Variants in ANKRD30B observed in about 807,000 individuals in gnomAD.
The protein encoded by ANKRD30B is ankyrin repeat domain-containing protein 30B.
In ANKRD30B, 144 loss-of-function variants were observed where a neutral mutation model predicts 202.2. That is an observed-to-expected ratio of 0.71 (90% confidence interval 0.62 to 0.82). The LOEUF is 0.82. Ranked by LOEUF, ANKRD30B falls within the 40% of genes least tolerant of loss-of-function variation. The probability of loss-of-function intolerance (pLI) is 0.00; values close to 1 mark genes in which losing one functional copy is unlikely to be tolerated. For synonymous variants in ANKRD30B, 508 were observed against 561.3 expected (o/e 0.91, Z 1.34); for missense variants, 1,487 against 1,669.1 (o/e 0.89, Z 1.90).
chr18:14,749,330 T>C (rs1913024530), intron 1 of ANKRD30B, among the ~76,000 whole-genome samples: 3 of 152,182 alleles, frequency 2.0e-5, no homozygotes, highest in Admixed American at 2.0e-4. Flanking sequence ...TATTTTGTAA[T>C]GGAGTAGAAA....
intron 30 of ANKRD30B, among the ~76,000 whole-genome samples, chr18:14,820,959 A>C (rs1478709804): frequency 6.6e-6 from 1 of 152,074 alleles, no homozygotes; most frequent in Non-Finnish European, 1.5e-5. Context: ...TCCTTGTACC[A>C]CTGGTAGAAT....
chr18:14,809,900 T>A lies in ANKRD30B; in HGVS notation c.2387-86T>A, dbSNP rs1245818271. The stretch of plus-strand genomic sequence containing the variant: ...CCCTTTTCAATCCAAGCATGAGGAT[T>A]CATCTTCATATTCACACTCTATGAA... On this transcript the variant is annotated intron_variant, in intron 26 of 43. Coordinates refer to ENST00000690538, the MANE Select transcript of ANKRD30B (RefSeq NM_001367607.2). The A allele has an allele frequency of 4.9e-6, 6 of 1,213,970 alleles. No homozygotes were observed. In the Middle Eastern group the frequency reaches 7.4e-4, roughly 149 times the overall value. The allele number at this position is 1,213,970 out of a possible 1,614,324, so 75.2% of individuals were successfully genotyped here.
At chr18:14,809,885 T>G in intron 26 of ANKRD30B, 101 bp from the exon 27 acceptor site, 2 of 1,152,780 alleles carry the variant, frequency 1.7e-6, no homozygotes, top group Admixed American at 3.5e-5. Context: ...CCCTTTTCAA[T>G]CCAAGCATGA....
the ANKRD30B span, among the ~76,000 whole-genome samples, chr18:14,929,976 G>A: frequency 1.3e-5 from 2 of 152,294 alleles, no homozygotes; most frequent in South Asian, 2.1e-4. Context: ...CAGAAGGAAC[G>A]GCAAGTCCAG....
intron 16 of ANKRD30B, among the ~76,000 whole-genome samples, chr18:14,795,948 T>C (rs1426936988): frequency 6.6e-6 from 1 of 152,102 alleles, no homozygotes; most frequent in Non-Finnish European, 1.5e-5. Context: ...GGTATTAGGA[T>C]TTTTCTAATT....
At chr18:14,912,704 C>G in the ANKRD30B span, among the ~76,000 whole-genome samples, 2 of 152,286 alleles carry the variant, frequency 1.3e-5, no homozygotes, top group South Asian at 2.1e-4. Context: ...ATTAGTTCTT[C>G]GTGTGTTTGG....
intron 9 of ANKRD30B, among the ~76,000 whole-genome samples, chr18:14,777,321 CAG>C (rs1331575640): frequency 5.3e-5 from 8 of 151,592 alleles, no homozygotes; most frequent in African/African-American, 1.9e-4. Context: ...TTTTTTGAGA[CAG>C]AGTCTTGCTC....
At chr18:14,928,775 T>C in the ANKRD30B span, among the ~76,000 whole-genome samples, 2 of 152,210 alleles carry the variant, frequency 1.3e-5, no homozygotes, top group East Asian at 1.9e-4. Flanking sequence ...ATGTTAATCA[T>C]GTTCTGTCAA....
intron 42 of ANKRD30B, among the ~76,000 whole-genome samples, 157 bp from the exon 43 acceptor site, chr18:14,853,652 A>G (rs1971979618): frequency 6.6e-6 from 1 of 152,120 alleles, no homozygotes; most frequent in Admixed American, 6.5e-5. Flanking sequence ...TGGCAGAAAG[A>G]TTACACCTTC....
the ANKRD30B span, among the ~76,000 whole-genome samples, chr18:14,899,037 A>G: frequency 6.6e-6 from 1 of 152,150 alleles, no homozygotes; most frequent in African/African-American, 2.4e-5. Context: ...CCATAAACGT[A>G]TTTTACAGTA....
At chr18:14,901,997 G>A in the ANKRD30B span, among the ~76,000 whole-genome samples, 1 of 152,142 alleles carries the variant, frequency 6.6e-6, no homozygotes, top group Non-Finnish European at 1.5e-5. Flanking sequence ...TGGCTGGAGA[G>A]GCCTCAGAAT....
At chr18:14,772,383 AGT>A (rs891286356) in intron 9 of ANKRD30B, among the ~76,000 whole-genome samples, 155 bp downstream of exon 9, 4 of 94,840 alleles carry the variant, frequency 4.2e-5, no homozygotes, top group Non-Finnish European at 8.6e-5. Flanking sequence ...TGATTTAAAC[AGT>A]TTTTTTTTTT....
chr18:14,861,689 C>A, the ANKRD30B span, among the ~76,000 whole-genome samples: 1 of 151,166 alleles, frequency 6.6e-6, no homozygotes, highest in Non-Finnish European at 1.5e-5. Context: ...GACTTCAACA[C>A]CCCACCGACA....
chr18:14,861,382 C>A, the ANKRD30B span, among the ~76,000 whole-genome samples: 2 of 151,798 alleles, frequency 1.3e-5, no homozygotes, highest in African/African-American at 4.8e-5. Flanking sequence ...AGACCCATCT[C>A]ATGTGTAATG....
intron 40 of ANKRD30B, among the ~76,000 whole-genome samples, chr18:14,849,448 A>G (rs189116628): frequency 1.1e-4 from 16 of 151,950 alleles, no homozygotes; most frequent in Non-Finnish European, 1.5e-5. Context: ...TCCTTTAACT[A>G]TACACTTTTA....
At chr18:14,753,612 A>G (rs569398128) in intron 3 of ANKRD30B, among the ~76,000 whole-genome samples, 53 of 152,298 alleles carry the variant, frequency 3.5e-4, no homozygotes, top group African/African-American at 1.1e-3. Flanking sequence ...GCTGTTTATA[A>G]TATATAGTTT....
chr18:14,856,776 C>T (rs1568083282), downstream of ANKRD30B, among the ~76,000 whole-genome samples: 1 of 122,886 alleles, frequency 8.1e-6, no homozygotes, highest in Non-Finnish European at 1.8e-5. Flanking sequence ...GGGAGCTGGG[C>T]AGAGGCGCTC....
At chr18:14,886,699 A>G in the ANKRD30B span, among the ~76,000 whole-genome samples, 6 of 152,228 alleles carry the variant, frequency 3.9e-5, no homozygotes, top group Admixed American at 3.9e-4. Context: ...TAAACATTCA[A>G]TGAATTCACA....
chr18:14,929,191 A>T, the ANKRD30B span, among the ~76,000 whole-genome samples: 1 of 152,138 alleles, frequency 6.6e-6, no homozygotes, highest in African/African-American at 2.4e-5. Flanking sequence ...GTGCCTCCAA[A>T]TGCATATGCC....
Sources: gnomAD v4.1 joint callset for allele counts (sites outside exome capture counted in the v4.1 genomes callset) on GRCh38, gnomAD v4.1.1 for gene constraint, MANE v1.5 for transcripts, NCBI Gene and HGNC (gene_info 2026-07-23, HGNC 2026-07-21) for gene names.